Variants in TBC1D19 observed in about 807,000 individuals in gnomAD.
TBC1D19 encodes TBC1 domain family, member 19.
TBC1D19 carries 60 observed loss-of-function variants against 89.0 expected under a neutral mutation model. The observed-to-expected ratio is 0.67, with a 90% CI of 0.55 to 0.84. TBC1D19 has a LOEUF of 0.84. Ranked by LOEUF, TBC1D19 falls within the 40% of genes least tolerant of loss-of-function variation. The pLI is 0.00. For missense variants in TBC1D19, 500 were observed against 610.8 expected (o/e 0.82, Z 1.91); for synonymous variants, 189 against 199.7 (o/e 0.95, Z 0.45).
intron 1 of TBC1D19, among the ~76,000 whole-genome samples, chr4:26,607,294 C>A (rs553123905): frequency 3.7e-4 from 56 of 152,276 alleles, no homozygotes; most frequent in African/African-American, 1.3e-3. Flanking sequence ...TTCTAGCCCC[C>A]CTCACCCACC....
the TBC1D19 span, chr4:26,857,697 G>T: frequency 3.3e-5 from 5 of 152,172 alleles, no homozygotes; most frequent in Non-Finnish European, 4.4e-5. Flanking sequence ...GCGCGGGGCT[G>T]CGGTGGCGCA....
At chr4:26,631,954 A>G (rs1352059053) in intron 4 of TBC1D19, among the ~76,000 whole-genome samples, 1 of 152,112 alleles carries the variant, frequency 6.6e-6, no homozygotes. Flanking sequence ...TGGTAAATTG[A>G]AATTCTTGAT....
chr4:26,793,827 G>T, the TBC1D19 span, among the ~76,000 whole-genome samples: 1 of 151,614 alleles, frequency 6.6e-6, no homozygotes, highest in East Asian at 2.0e-4. Context: ...TGGCAACAAA[G>T]ATAGCCTCTG....
chr4:26,769,085 G>T, the TBC1D19 span, among the ~76,000 whole-genome samples: 1 of 152,014 alleles, frequency 6.6e-6, no homozygotes, highest in African/African-American at 2.4e-5. Context: ...CTGTAGAGAG[G>T]AACAAGATTA....
chr4:26,673,446 T>TATATATATACACACACAC (rs373807642), intron 10 of TBC1D19, among the ~76,000 whole-genome samples: 3,819 of 90,632 alleles, frequency 0.042, 133 homozygotes, highest in Non-Finnish European at 0.057. Flanking sequence ...TATATATATA[T>TATATATATACACACACAC]ACACACACAC....
chr4:26,653,434 C>G (rs560362946), intron 7 of TBC1D19, among the ~76,000 whole-genome samples: 2 of 152,100 alleles, frequency 1.3e-5, no homozygotes, highest in South Asian at 4.1e-4. Flanking sequence ...TCCTTGTTAA[C>G]GTTCTGTCTG....
intron 4 of TBC1D19, among the ~76,000 whole-genome samples, chr4:26,625,578 A>G (rs1742338340): frequency 6.6e-6 from 1 of 152,174 alleles, no homozygotes; most frequent in Non-Finnish European, 1.5e-5. Flanking sequence ...GTTCTGACCC[A>G]GGATCTCATC....
At chr4:26,844,397 G>A in the TBC1D19 span, among the ~76,000 whole-genome samples, 18 of 152,206 alleles carry the variant, frequency 1.2e-4, no homozygotes, top group East Asian at 1.5e-3. Flanking sequence ...GAATATTATC[G>A]GGAAAATGAG....
chr4:26,728,244 A>G (rs1485367623), intron 15 of TBC1D19, among the ~76,000 whole-genome samples: 7 of 152,226 alleles, frequency 4.6e-5, no homozygotes, highest in Non-Finnish European at 4.4e-5. Context: ...GAGGAAGGCA[A>G]AAGTGTTTTT....
chr4:26,812,110 A>C, the TBC1D19 span, among the ~76,000 whole-genome samples: 3 of 152,200 alleles, frequency 2.0e-5, no homozygotes, highest in African/African-American at 7.2e-5. This position sits in a 1 kb window ranked among gnomAD's most constrained non-coding sequence, Gnocchi z 4.2. Context: ...TTCTGAATCA[A>C]CCTGGGAAAT....
chr4:26,820,198 C>G, the TBC1D19 span, among the ~76,000 whole-genome samples: 1 of 152,174 alleles, frequency 6.6e-6, no homozygotes, highest in Non-Finnish European at 1.5e-5. Context: ...ATGCTTTTAG[C>G]AATTATGAAA....
chr4:26,745,229 T>C (rs1718583906), intron 18 of TBC1D19, among the ~76,000 whole-genome samples: 1 of 151,990 alleles, frequency 6.6e-6, no homozygotes, highest in African/African-American at 2.4e-5. Flanking sequence ...AGTGGATTTC[T>C]TATCGAAAGT....
At chr4:26,647,109 G>A (rs1744025248) in intron 7 of TBC1D19, among the ~76,000 whole-genome samples, 2 of 152,244 alleles carry the variant, frequency 1.3e-5, no homozygotes, top group South Asian at 4.2e-4. Context: ...CAATTTGATG[G>A]ATTTGAAAGA....
At chr4:26,750,943 GAATT>G (rs1718917456) in intron 19 of TBC1D19, among the ~76,000 whole-genome samples, 1 of 152,136 alleles carries the variant, frequency 6.6e-6, no homozygotes, top group African/African-American at 2.4e-5. Context: ...CTTTAATTGT[GAATT>G]AATTAGAGCC....
chr4:26,766,583 T>C, the TBC1D19 span, among the ~76,000 whole-genome samples: 1 of 152,184 alleles, frequency 6.6e-6, no homozygotes, highest in South Asian at 2.1e-4. Flanking sequence ...TCTACACCCA[T>C]GCTTTGTGGA....
At chr4:26,654,705 G>A (rs1013833688) in intron 7 of TBC1D19, among the ~76,000 whole-genome samples, 7 of 152,190 alleles carry the variant, frequency 4.6e-5, no homozygotes, top group African/African-American at 1.2e-4. Flanking sequence ...CGTAGTTCTC[G>A]TGCCTTGGTT....
intron 15 of TBC1D19, among the ~76,000 whole-genome samples, chr4:26,727,798 A>G (rs1436934795): frequency 6.6e-6 from 1 of 152,110 alleles, no homozygotes; most frequent in Non-Finnish European, 1.5e-5. Flanking sequence ...ATATTTTAGT[A>G]TTTTATTTAT....
intron 4 of TBC1D19, among the ~76,000 whole-genome samples, chr4:26,635,320 A>G (rs1416959250): frequency 6.6e-6 from 1 of 152,098 alleles, no homozygotes; most frequent in Non-Finnish European, 1.5e-5. Context: ...AGGTGGGTGT[A>G]AAGATAATGA....
the TBC1D19 span, among the ~76,000 whole-genome samples, chr4:26,786,260 G>A: frequency 1.3e-5 from 2 of 152,188 alleles, no homozygotes; most frequent in Non-Finnish European, 2.9e-5. Context: ...TTGTCAGTGA[G>A]TATTCAATGT....
Sources: allele counts gnomAD v4.1 joint callset (sites outside exome capture counted in the v4.1 genomes callset), GRCh38; gene constraint gnomAD v4.1.1; non-coding constraint Gnocchi (gnomAD v3.1); transcripts MANE v1.5; gene names NCBI Gene and HGNC (gene_info 2026-07-23, HGNC 2026-07-21).